The following TELO2 variants were observed in gnomAD, a reference collection of about 807,000 sequenced individuals.
TELO2 encodes the protein telomere length regulation protein TEL2 homolog.
In TELO2, 71 loss-of-function variants were observed where a neutral mutation model predicts 91.0. That is an observed-to-expected ratio of 0.78 (90% CI 0.64 to 0.95). TELO2 has a LOEUF of 0.95. TELO2 is among the 40% of genes least tolerant of loss of function. The pLI, the probability that TELO2 is intolerant of heterozygous loss-of-function variation, is 0.00. For synonymous variants in TELO2, 584 were observed against 518.9 expected, an observed-to-expected ratio of 1.13 and a Z score of -1.71; for missense variants, 1,183 against 1,141.3, an observed-to-expected ratio of 1.04 and a Z score of -0.53.
At position 1,497,224 on chromosome 16, in the gene TELO2, C is replaced by T; in HGVS notation, c.682+120C>T. On this transcript the variant is annotated intron_variant, in intron 4 of 20. Transcript: ENST00000262319. This position sits in a 1 kb window ranked among gnomAD's most constrained non-coding sequence, Gnocchi z 4.0. ...CTCTGCAGGGTCCCCTTGCCCGGTC[C>T]TGTCCTGGGCCCGTGGGATCTGGGG... 6.6e-7 allele frequency: 1 copy of T among 1,505,768 alleles called. No homozygotes were observed. Among genetic ancestry groups the T allele is most frequent in the East Asian group, 2.5e-5 (1 of 40,774 alleles). 93.3% of individuals were successfully genotyped at this position (1,505,768 alleles called of 1,614,324 possible).
chr16:1,502,594 CG>C, intron 13 of TELO2, 50 bp from the exon 14 acceptor site: 2 of 1,586,246 alleles, frequency 1.3e-6, no homozygotes, highest in Non-Finnish European at 1.7e-6. Flanking sequence ...GGTGAGGCCT[CG>C]GCGGGCAGCT....
At chr16:1,498,291 A>G (rs983080134) in intron 5 of TELO2, among the ~76,000 whole-genome samples, 1 of 152,234 alleles carries the variant, frequency 6.6e-6, no homozygotes, top group African/African-American at 2.4e-5. Flanking sequence ...TTGGGATTAT[A>G]GGCGTGAGCC....
chr16:1,501,613 C>G, intron 10 of TELO2, 50 bp from the exon 11 acceptor site: 7 of 1,578,554 alleles, frequency 4.4e-6, no homozygotes, highest in Non-Finnish European at 6.0e-6. Context: ...GTCCTGAGAC[C>G]AGAGGCTCGA....
In TELO2 at chr16:1,505,191, TCTC is replaced by T. The variant is rs2039844525; in HGVS notation, c.1843-216_1843-214del. The stretch of plus-strand genomic sequence containing the variant: ...GCGCTCGGCCCTGGGCGTGTTCTCA[TCTC>T]CTGGAGCACGGTGCCCACCTTCCCC... On this transcript the variant is annotated intron_variant, in intron 15 of 20. Transcript: ENST00000262319. This position sits in a 1 kb window ranked among gnomAD's most constrained non-coding sequence, Gnocchi z 4.3. 2 of 574,314 alleles carry T rather than the reference TCTC, an allele frequency of 3.5e-6. No homozygotes were observed. The highest frequency in any genetic ancestry group is 3.1e-6 in the Non-Finnish European group (1 of 326,370). The allele number at this position is 574,314 out of a possible 1,614,324, so 35.6% of individuals were successfully genotyped here.
intron 3 of TELO2, among the ~76,000 whole-genome samples, chr16:1,495,983 G>A (rs545466500): frequency 1.3e-5 from 2 of 152,350 alleles, no homozygotes; most frequent in Admixed American, 1.3e-4. Flanking sequence ...CTGGGCTGCA[G>A]GGCCCCGTGA....
At position 1,507,017 on chromosome 16, in the gene TELO2, T is replaced by C; in HGVS notation, c.2192T>C (p.Leu731Ser). Residue 731 changes from leucine to serine, a missense_variant, in exon 18 of 21, where the codon TTA (leucine) becomes TCA (serine). Physicochemically the swap from Leu to Ser is moderately radical, Grantham distance 145. Coordinates refer to ENST00000262319, the MANE Select transcript of TELO2 (RefSeq NM_016111.4). ...GTTCTCGGAAGGCTGGCGCACACCT[T>C]AGGGGCCCTGATGTGCCTGGCTGTT... is the stretch of plus-strand genomic sequence containing the variant. The part of the protein sequence containing the change: ...QLVLGRLAHT[L>S]GALMCLAVNT... 2 of 1,611,656 alleles carry C rather than the reference T, an allele frequency of 1.2e-6. No individual in the cohort carries two copies. Among genetic ancestry groups the C allele is most frequent in the African/African-American group, 2.7e-5 (2 of 74,996 alleles).
intron 17 of TELO2, 24 bp downstream of exon 17, chr16:1,506,353 G>A: frequency 6.2e-7 from 1 of 1,613,900 alleles, no homozygotes; most frequent in Non-Finnish European, 8.5e-7. Flanking sequence ...CCGTGGGCCT[G>A]TGGACTTGGG....
Position 1,506,632 on chromosome 16 carries a change from T to C in TELO2, c.2126+303T>C, listed in dbSNP as rs552765237. The C allele has an allele frequency of 5.8e-6, 8 of 1,381,202 alleles. No individual in the cohort carries two copies. In the South Asian group the frequency reaches 1.1e-4, roughly 19 times the overall value. 85.6% of individuals were successfully genotyped at this position (1,381,202 alleles called of 1,614,324 possible). A position where few individuals can be genotyped will look rare whatever the true frequency, so the allele number is the denominator to read the frequency against. On this transcript the variant is annotated intron_variant, in intron 17 of 20. Coordinates refer to ENST00000262319, the MANE Select transcript of TELO2 (RefSeq NM_016111.4). Reference sequence around the variant, plus strand: ...TGGGCCCTGCTCGCCTCCTCCTGCCTCAGCCGGCGCTGCACTGGCCCCACG... The same window carrying C: ...TGGGCCCTGCTCGCCTCCTCCTGCCCCAGCCGGCGCTGCACTGGCCCCACG...
rs1205085039 is a variant in TELO2, at chr16:1,497,733, A to G, written c.830+225A>G. On this transcript the variant is annotated intron_variant, in intron 5 of 20. Transcript: ENST00000262319. The surrounding 1 kb of genome is among the most constrained non-coding windows in gnomAD (Gnocchi z 4.0). ...ATGAAATAGCATCGATGCTGTGAACAGCCCACACCGTAAAGGCGCCTGTAC... is the reference window on the plus strand; with the variant it reads ...ATGAAATAGCATCGATGCTGTGAACGGCCCACACCGTAAAGGCGCCTGTAC... 2.0e-5 allele frequency among the ~76,000 whole-genome samples: 3 copies of G among 152,206 alleles called. No individual in the cohort carries two copies. Among genetic ancestry groups the G allele is most frequent in the Admixed American group, 2.0e-4 (3 of 15,282 alleles).
At position 1,494,288 on chromosome 16, in the gene TELO2, C is replaced by T. The variant is rs763385864; in HGVS notation, c.7C>T (p.Pro3Ser). The T allele has an allele frequency of 6.2e-7, 1 of 1,612,208 alleles. No individual in the cohort carries two copies. Among genetic ancestry groups the T allele is most frequent in the African/African-American group, 1.3e-5 (1 of 75,008 alleles). Residue 3 changes from proline to serine, a missense_variant, in exon 2 of 21, where the codon CCA (proline) becomes TCA (serine). Physicochemically the swap from Pro to Ser is moderately conservative, Grantham distance 74 (BLOSUM62 -1). Coordinates refer to ENST00000262319, the MANE Select transcript of TELO2 (RefSeq NM_016111.4). The surrounding 1 kb of genome is among the most constrained non-coding windows in gnomAD (Gnocchi z 5.6). The stretch of plus-strand genomic sequence containing the variant: ...CCCAGATCTGTCCTGCAGGATGGAG[C>T]CAGCACCCTCAGAGGTTCGACTCGC... Reference protein sequence around the residue: MEPAPSEVRLAVR... With the variant: MESAPSEVRLAVR...
At chr16:1,500,879 GCC>G (rs1278989035) in intron 9 of TELO2, among the ~76,000 whole-genome samples, 180 bp downstream of exon 9, 1 of 152,238 alleles carries the variant, frequency 6.6e-6, no homozygotes, top group Non-Finnish European at 1.5e-5. Flanking sequence ...AGCTCCTGGG[GCC>G]ACACAGGGTC....
intron 15 of TELO2, among the ~76,000 whole-genome samples, 190 bp downstream of exon 15, chr16:1,503,192 T>C (rs2039770339): frequency 6.6e-6 from 1 of 152,212 alleles, no homozygotes; most frequent in South Asian, 2.1e-4. Context: ...GAGAGTTTTG[T>C]TTGTTTAAAA....
In TELO2 at chr16:1,507,572, G is replaced by C. The variant is rs574952550; in HGVS notation, c.2292-29G>C. 5.8e-6 allele frequency: 9 copies of C among 1,557,016 alleles called. No homozygotes were observed. The East Asian group carries it at 1.9e-4, about 32-fold the overall frequency. On this transcript the variant is annotated intron_variant, in intron 19 of 20. Transcript: ENST00000262319. ...GGAGGTCTGGGGTGTGGTCCCTGCC[G>C]AGCTCAGCCCCCGCCTTCTTGCCGG...
Position 1,495,557 on chromosome 16 carries a change from A to G in TELO2, c.547A>G (p.Asn183Asp). 6.2e-7 allele frequency: 1 copy of G among 1,612,070 alleles called. No homozygotes were observed. The highest frequency in any genetic ancestry group is 8.5e-7 in the Non-Finnish European group (1 of 1,179,860). The change falls in exon 3 of 21, where the codon AAC (asparagine) becomes GAC (aspartate). Residue 183 changes from asparagine to aspartate, a missense_variant. By Grantham distance (23) the Asn-to-Asp change is conservative. Transcript: ENST00000262319. ...GAACTTGGCCGAGTTCTTCCCCCAG[A>G]ACTACTTCCGCCTGCTCGGCGAGGA... ...QENLAEFFPQ[N>D]YFRLLGEEVV...
In TELO2 at chr16:1,497,839, G is replaced by T. The variant is rs779408945; in HGVS notation, c.830+331G>T. Among the ~76,000 whole-genome samples the T allele has an allele frequency of 6.6e-6, 1 of 152,090 alleles. No homozygotes were observed. Among genetic ancestry groups the T allele is most frequent in the African/African-American group, 2.4e-5 (1 of 41,404 alleles). ...TGTCCAGGCTCTGACATGGTGATGG[G>T]CGGTGACTCACTTCCCCACGTCTTT... is the stretch of plus-strand genomic sequence containing the variant. On this transcript the variant is annotated intron_variant, in intron 5 of 20. Coordinates refer to ENST00000262319, the MANE Select transcript of TELO2 (RefSeq NM_016111.4). The surrounding 1 kb of genome is among the most constrained non-coding windows in gnomAD (Gnocchi z 4.0).
intron 2 of TELO2, 80 bp from the exon 3 acceptor site, chr16:1,495,266 G>C (rs1161562074): frequency 4.1e-6 from 6 of 1,475,026 alleles, no homozygotes; most frequent in Non-Finnish European, 5.4e-6. Flanking sequence ...CGTGTAATCC[G>C]GGCTGCTGGT....
chr16:1,502,858 G>T, intron 14 of TELO2, 73 bp from the exon 15 acceptor site: 1 of 1,603,674 alleles, frequency 6.2e-7, no homozygotes, highest in South Asian at 1.1e-5. Flanking sequence ...GGAGCTGGCT[G>T]TGAGGTGCCC....
At chr16:1,501,586 T>G in intron 10 of TELO2, 77 bp from the exon 11 acceptor site, 1 of 1,567,540 alleles carries the variant, frequency 6.4e-7, no homozygotes, top group Non-Finnish European at 8.7e-7. Flanking sequence ...GGGAAACCCT[T>G]TCTTTCTGTC....
chr16:1,507,911 G>GGTGT (rs143221233), intron 20 of TELO2, among the ~76,000 whole-genome samples, 195 bp downstream of exon 20: 165 of 130,672 alleles, frequency 1.3e-3, no homozygotes, highest in East Asian at 3.5e-3. Flanking sequence ...GTCGGCCCGG[G>GGTGT]GTGTGTGTGT....
Sources: gnomAD v4.1 joint callset for allele counts (sites outside exome capture counted in the v4.1 genomes callset) on GRCh38, gnomAD v4.1.1 for gene constraint, Gnocchi (gnomAD v3.1) non-coding constraint, MANE v1.5 for transcripts, NCBI Gene and HGNC (gene_info 2026-07-23, HGNC 2026-07-21) for gene names.